AIG1: variants seen among roughly 807,000 people sequenced by gnomAD.
The protein encoded by AIG1 is androgen-induced gene 1 protein.
AIG1 carries 23 observed loss-of-function variants against 31.4 expected under a neutral mutation model. The observed-to-expected ratio is 0.73, with a 90% CI of 0.53 to 1.04. The LOEUF (loss-of-function observed/expected upper bound fraction) is 1.04, where lower values mean the gene tolerates loss of function less well. Among genes scored for constraint, AIG1 ranks in the 50% least tolerant of loss-of-function variants. The pLI is 0.00. For missense variants in AIG1, 274 were observed against 295.0 expected, an observed-to-expected ratio of 0.93 and a Z score of 0.52; for synonymous variants, 100 against 110.5, an observed-to-expected ratio of 0.90 and a Z score of 0.60.
chr6:143,077,874 C>T (rs1016741809), intron 1 of AIG1, among the ~76,000 whole-genome samples: 3 of 152,208 alleles, frequency 2.0e-5, no homozygotes, highest in African/African-American at 7.2e-5. Context: ...TTAATATTAA[C>T]ACTTGGTAGA....
chr6:143,337,679 A>T (rs148557793), intron 5 of AIG1, among the ~76,000 whole-genome samples: 1 of 152,280 alleles, frequency 6.6e-6, no homozygotes, highest in East Asian at 1.9e-4. Context: ...GGAGACGTCT[A>T]TGTGTGCAGA....
chr6:143,067,108 A>G (rs540908723), intron 1 of AIG1, among the ~76,000 whole-genome samples: 1 of 152,272 alleles, frequency 6.6e-6, no homozygotes, highest in South Asian at 2.1e-4. Context: ...CGAGTTTGCA[A>G]TGAGCTATGA....
At chr6:143,185,038 A>T (rs1297511694) in intron 3 of AIG1, among the ~76,000 whole-genome samples, 2 of 152,092 alleles carry the variant, frequency 1.3e-5, no homozygotes, top group East Asian at 3.9e-4. Context: ...TCTACTAAAA[A>T]TACAAAAATT....
In AIG1 at chr6:143,187,585, G is replaced by A. The variant is rs1470199413; in HGVS notation, c.399+22402G>A. ...AAATATGAAAAGCAACCTTCTGCAG[G>A]GAGAGAAGGCAATTAAAAGATGTTG... is the stretch of plus-strand genomic sequence containing the variant. On this transcript the variant is annotated intron_variant, in intron 3 of 5. Coordinates refer to ENST00000357847, the MANE Select transcript of AIG1 (RefSeq NM_016108.4). 4 of 1,535,924 alleles carry A rather than the reference G, an allele frequency of 2.6e-6. No individual in the cohort carries two copies. In the Admixed American group the frequency reaches 7.8e-5, roughly 30 times the overall value.
At chr6:143,188,850 G>T (rs1309387201) in intron 3 of AIG1, 21 of 985,096 alleles carry the variant, frequency 2.1e-5, no homozygotes, top group Non-Finnish European at 2.5e-5. Context: ...CACTGCCTGG[G>T]ATTTTTCAAT....
chr6:143,137,397 A>C (rs1783861858), intron 2 of AIG1, among the ~76,000 whole-genome samples: 1 of 152,184 alleles, frequency 6.6e-6, no homozygotes, highest in Non-Finnish European at 1.5e-5. Flanking sequence ...CCAGTCTCCA[A>C]ATACAGTCAC....
At chr6:143,094,740 T>C (rs563093730) in intron 1 of AIG1, among the ~76,000 whole-genome samples, 18 of 146,696 alleles carry the variant, frequency 1.2e-4, no homozygotes, top group Non-Finnish European at 2.1e-4. Flanking sequence ...TTGCTCCAGG[T>C]TGATCAAATA....
chr6:143,276,956 C>G (rs186679173), intron 3 of AIG1, among the ~76,000 whole-genome samples: 1 of 152,120 alleles, frequency 6.6e-6, no homozygotes. Context: ...GGCAGATCCA[C>G]GTTGATTCTC....
intron 3 of AIG1, among the ~76,000 whole-genome samples, chr6:143,191,897 C>A (rs1789822087): frequency 6.6e-6 from 1 of 150,588 alleles, no homozygotes; most frequent in Admixed American, 6.7e-5. Context: ...TTATTTGGAA[C>A]TGGAAACATG....
rs1000315636 is a variant in AIG1 at position 143,288,586 on chromosome 6, A to G, written c.515+4361A>G. The stretch of plus-strand genomic sequence containing the variant: ...CCATATTCCAAATCTCATTTCCCCA[A>G]ATGTGTTCACTGAATAACTTTCCAA... On this transcript the variant is annotated intron_variant, in intron 4 of 5. Transcript: ENST00000357847. This position sits in a 1 kb window ranked among gnomAD's most constrained non-coding sequence, Gnocchi z 4.4. Among the ~76,000 whole-genome samples, 2 of 152,206 alleles carry G rather than the reference A, an allele frequency of 1.3e-5. No individual in the cohort carries two copies. Among genetic ancestry groups the G allele is most frequent in the African/African-American group, 4.8e-5 (2 of 41,434 alleles).
chr6:143,224,764 G>C (rs1319606637), intron 3 of AIG1, among the ~76,000 whole-genome samples: 1 of 152,128 alleles, frequency 6.6e-6, no homozygotes, highest in East Asian at 1.9e-4. Context: ...TTCTGAATCT[G>C]CCTGTGGTTT....
rs1269429279 is a variant in AIG1 at position 143,325,114 on chromosome 6, T to C, written c.516-8168T>C. Among the ~76,000 whole-genome samples, 1 of 152,226 alleles carries C rather than the reference T, an allele frequency of 6.6e-6. No individual in the cohort carries two copies. Among genetic ancestry groups the C allele is most frequent in the Non-Finnish European group, 1.5e-5 (1 of 68,040 alleles). On this transcript the variant is annotated intron_variant, in intron 4 of 5. Transcript: ENST00000357847. The surrounding 1 kb of genome is among the most constrained non-coding windows in gnomAD (Gnocchi z 4.3). Reference sequence around the variant, plus strand: ...TGGTGGCAAACCAGTTTTCTAATAATTCTCTATGAAGACCCTGTGCTAATA... The same window carrying C: ...TGGTGGCAAACCAGTTTTCTAATAACTCTCTATGAAGACCCTGTGCTAATA...
intron 3 of AIG1, among the ~76,000 whole-genome samples, chr6:143,230,659 A>G (rs1302896154): frequency 6.6e-6 from 1 of 151,702 alleles, no homozygotes; most frequent in Non-Finnish European, 1.5e-5. Context: ...TTTTAATAAT[A>G]ATATATATGT....
intron 5 of AIG1, among the ~76,000 whole-genome samples, chr6:143,335,857 G>C (rs766846219): frequency 6.7e-6 from 1 of 150,200 alleles, no homozygotes; most frequent in Non-Finnish European, 1.5e-5. Flanking sequence ...GCTAAGGCAC[G>C]AGAATCGCTT....
chr6:143,252,378 C>T (rs1795070473), intron 3 of AIG1, among the ~76,000 whole-genome samples: 1 of 152,264 alleles, frequency 6.6e-6, no homozygotes, highest in Non-Finnish European at 1.5e-5. Flanking sequence ...ACCTTGGCCT[C>T]CCAAAGTGCT....
chr6:143,141,316 C>G (rs1044744102), intron 2 of AIG1, among the ~76,000 whole-genome samples: 1 of 152,184 alleles, frequency 6.6e-6, no homozygotes, highest in African/African-American at 2.4e-5. Flanking sequence ...TACATTAATG[C>G]TTCCTCCAGT....
intron 1 of AIG1, among the ~76,000 whole-genome samples, chr6:143,118,040 A>G (rs977706535): frequency 9.2e-5 from 14 of 152,192 alleles, no homozygotes; most frequent in Non-Finnish European, 1.9e-4. Flanking sequence ...ATTTCAACAG[A>G]TATAGTGATC....
intron 3 of AIG1, among the ~76,000 whole-genome samples, chr6:143,206,433 T>G (rs542768023): frequency 6.6e-6 from 1 of 152,348 alleles, no homozygotes; most frequent in South Asian, 2.1e-4. Context: ...TATACTCACC[T>G]TTGTAAATAT....
chr6:143,170,566 T>C lies in AIG1; in HGVS notation c.399+5383T>C, dbSNP rs1174547965. On this transcript the variant is annotated intron_variant, in intron 3 of 5. Coordinates refer to ENST00000357847, the MANE Select transcript of AIG1 (RefSeq NM_016108.4). ...CTACCTAATGGTATGTCAGTTTTGC[T>C]TATCTTTTCCAAAAAAACAAGTTTT... Among the ~76,000 whole-genome samples the C allele has an allele frequency of 4.2e-5, 6 of 143,550 alleles. No homozygotes were observed. In the East Asian group the frequency reaches 1.4e-3, roughly 33 times the overall value. The allele number at this position is 143,550 out of a possible 152,430, so 94.2% of individuals were successfully genotyped here.
Sources: gnomAD v4.1 joint callset for allele counts (sites outside exome capture counted in the v4.1 genomes callset) on GRCh38, gnomAD v4.1.1 for gene constraint, Gnocchi (gnomAD v3.1) non-coding constraint, MANE v1.5 for transcripts, NCBI Gene and HGNC (gene_info 2026-07-23, HGNC 2026-07-21) for gene names.